Variants in FAM20C observed in about 807,000 individuals in gnomAD.
FAM20C encodes extracellular serine/threonine protein kinase FAM20C.
FAM20C carries 40 observed loss-of-function variants against 51.5 expected under a neutral mutation model. The ratio of observed to expected loss-of-function variants is 0.78; its 90% CI spans 0.60 to 1.01. The LOEUF is 1.01. Ranked by LOEUF, FAM20C falls within the 50% of genes least tolerant of loss-of-function variation. The probability of loss-of-function intolerance (pLI) is 0.00; values close to 1 mark genes in which losing one functional copy is unlikely to be tolerated. For missense variants in FAM20C, 861 were observed against 844.7 expected (o/e 1.02, Z -0.24); for synonymous variants, 406 against 380.6 (o/e 1.07, Z -0.78).
At chr7:219,507 G>C (rs990406305) in intron 3 of FAM20C, among the ~76,000 whole-genome samples, 3 of 152,212 alleles carry the variant, frequency 2.0e-5, no homozygotes, top group African/African-American at 7.2e-5. Context: ...CTCTCAGAGT[G>C]GGGGCTTGGC....
At chr7:196,173 T>C (rs956010449) in intron 2 of FAM20C, among the ~76,000 whole-genome samples, 3 of 152,122 alleles carry the variant, frequency 2.0e-5, no homozygotes, top group Non-Finnish European at 1.5e-5. Flanking sequence ...CTGCTTCTTG[T>C]GGTTTTGAAG....
chr7:201,562 C>G (rs190810477), intron 2 of FAM20C, among the ~76,000 whole-genome samples: 13 of 152,354 alleles, frequency 8.5e-5, no homozygotes, highest in Admixed American at 8.5e-4. Flanking sequence ...CAGACCTGCT[C>G]TGGGTTCTTC....
In FAM20C at chr7:208,989, G is replaced by C; in HGVS notation, c.863+13G>C. 1 of 1,572,248 alleles carries C rather than the reference G, an allele frequency of 6.4e-7. No homozygotes were observed. The highest frequency in any genetic ancestry group is 1.2e-5 in the South Asian group (1 of 85,366). Reference sequence around the variant, plus strand: ...TCAAACCCATGAAGTAAGTGCCGAGGCCTGTGGGCTGGGGCGTGAGGAGCT... The same window carrying C: ...TCAAACCCATGAAGTAAGTGCCGAGCCCTGTGGGCTGGGGCGTGAGGAGCT... On this transcript the variant is annotated intron_variant, in intron 3 of 9. Coordinates refer to ENST00000313766, the MANE Select transcript of FAM20C (RefSeq NM_020223.4).
intron 3 of FAM20C, among the ~76,000 whole-genome samples, chr7:209,964 C>T (rs1000640069): frequency 3.3e-5 from 5 of 152,346 alleles, no homozygotes; most frequent in Admixed American, 1.3e-4. Context: ...GGCCCTGCCC[C>T]GGTCTTCCCC....
At chr7:210,139 C>T (rs1786639979) in intron 3 of FAM20C, among the ~76,000 whole-genome samples, 1 of 152,226 alleles carries the variant, frequency 6.6e-6, no homozygotes, top group South Asian at 2.1e-4. Flanking sequence ...GAGCTCAGGG[C>T]CTGGGGCTGA....
intron 3 of FAM20C, among the ~76,000 whole-genome samples, chr7:245,520 C>T (rs1211044747): frequency 6.6e-6 from 1 of 152,176 alleles, no homozygotes; most frequent in Non-Finnish European, 1.5e-5. Context: ...GACAGGCTCT[C>T]CCTCCAGTGG....
At chr7:243,935 A>T (rs902117338) in intron 3 of FAM20C, among the ~76,000 whole-genome samples, 4,654 of 118,080 alleles carry the variant, frequency 0.039, 111 homozygotes, top group African/African-American at 0.078. Context: ...TAATAATAAT[A>T]ATAATAATAA....
In FAM20C at chr7:256,677, G is replaced by T; in HGVS notation, c.1277G>T (p.Cys426Phe). ...KAEWEVDPDY[C>F]EEVKQTPPYD... is the part of the protein sequence containing the mutation. ...AGGTGGGAGGTGGACCCTGACTACT[G>T]CGAGGAGGTGAAGCAGACACCGCCC... Residue 426 changes from cysteine to phenylalanine, a missense_variant, in exon 7 of 10, where the codon TGC becomes TTC. Cys to Phe is a radical substitution (Grantham distance 205). Around this residue, in one of 3 missense-constraint regions of FAM20C, gnomAD observed 269 missense variants for 283.8 expected, o/e 0.95. Transcript: ENST00000313766. 6.5e-7 allele frequency: 1 copy of T among 1,536,066 alleles called. No homozygotes were observed. The highest frequency in any genetic ancestry group is 8.7e-7 in the Non-Finnish European group (1 of 1,146,826).
rs536273419 is a variant in FAM20C at position 231,004 on chromosome 7, G to A, written c.864-15411G>A. ...GAGGTGGGAGTTTCGCCTGAGCCCA[G>A]GAGGCTGAGGATGCAGTGAGCTATG... On this transcript the variant is annotated intron_variant, in intron 3 of 9. Transcript: ENST00000313766. Among the ~76,000 whole-genome samples the A allele has an allele frequency of 1.2e-4, 18 of 152,290 alleles. No homozygotes were observed. In the East Asian group the frequency reaches 3.5e-3, roughly 29 times the overall value.
chr7:245,728 C>T (rs1222491406), intron 3 of FAM20C, among the ~76,000 whole-genome samples: 4 of 152,186 alleles, frequency 2.6e-5, no homozygotes, highest in Non-Finnish European at 4.4e-5. Flanking sequence ...TGCGGCTAGG[C>T]TCCCCTTCCC....
intron 3 of FAM20C, among the ~76,000 whole-genome samples, chr7:210,867 G>A (rs575094048): frequency 8.7e-4 from 133 of 152,274 alleles, no homozygotes; most frequent in African/African-American, 3.0e-3. Flanking sequence ...TCTAACCCAG[G>A]CCCTGCGGGA....
intron 3 of FAM20C, among the ~76,000 whole-genome samples, chr7:209,375 G>A (rs988585869): frequency 1.3e-5 from 2 of 152,224 alleles, no homozygotes; most frequent in East Asian, 1.9e-4. Flanking sequence ...AGCTATTTCA[G>A]GCTTTGCAGG....
intron 3 of FAM20C, chr7:228,568 C>T (rs1369322532): frequency 2.2e-6 from 1 of 456,268 alleles, no homozygotes; most frequent in Middle Eastern, 3.3e-4. Flanking sequence ...CCGCTGCCTA[C>T]ACCCCCAGCT....
chr7:230,812 AC>A (rs1787640813), intron 3 of FAM20C, among the ~76,000 whole-genome samples: 1 of 148,704 alleles, frequency 6.7e-6, no homozygotes, highest in Non-Finnish European at 1.5e-5. Flanking sequence ...ACTGAATAAT[AC>A]CTATCGGTTA....
In FAM20C at chr7:193,089, C is replaced by A; in HGVS notation, c.-111C>A. On this transcript the variant is annotated 5_prime_UTR_variant, in exon 1 of 10. Coordinates refer to ENST00000313766, the MANE Select transcript of FAM20C (RefSeq NM_020223.4). ...GGGACAGCCCCGGAGCTGGTAGCCGCCCGGCACCGATGGACCTTGACCCGC... is the reference window on the plus strand; with the variant it reads ...GGGACAGCCCCGGAGCTGGTAGCCGACCGGCACCGATGGACCTTGACCCGC... 1 of 1,005,728 alleles carries A rather than the reference C, an allele frequency of 9.9e-7. No individual in the cohort carries two copies. The highest frequency in any genetic ancestry group is 4.3e-5 in the East Asian group (1 of 23,160). The allele number at this position is 1,005,728 out of a possible 1,614,324, so 62.3% of individuals were successfully genotyped here. A position where few individuals can be genotyped will look rare whatever the true frequency, so the allele number is the denominator to read the frequency against.
intron 3 of FAM20C, among the ~76,000 whole-genome samples, chr7:236,205 C>A (rs998136231): frequency 2.0e-5 from 2 of 98,350 alleles, no homozygotes; most frequent in Non-Finnish European, 3.8e-5. Flanking sequence ...CTGAGCGGCT[C>A]CTGGCCGAGG....
chr7:228,475 A>G (rs1468033260), intron 3 of FAM20C: 22 of 456,020 alleles, frequency 4.8e-5, no homozygotes, highest in Admixed American at 4.7e-4. Context: ...TGTGGGGTCA[A>G]CAAGCCAGGT....
At chr7:206,813 G>T (rs867773563) in intron 2 of FAM20C, among the ~76,000 whole-genome samples, 34 of 88,194 alleles carry the variant, frequency 3.9e-4, no homozygotes, top group African/African-American at 1.2e-3. Context: ...GTGACGCGTC[G>T]GTCACTGTCC....
chr7:208,097 C>T (rs1051941506), intron 2 of FAM20C, among the ~76,000 whole-genome samples: 5 of 152,120 alleles, frequency 3.3e-5, no homozygotes, highest in Non-Finnish European at 5.9e-5. Flanking sequence ...CCCAGAAACG[C>T]GGGCGGGAGG....
Sources: gnomAD v4.1 joint callset for allele counts (sites outside exome capture counted in the v4.1 genomes callset) on GRCh38, gnomAD v4.1.1 for gene constraint, gnomAD v4.1.1 regional missense constraint, MANE v1.5 for transcripts, NCBI Gene and HGNC (gene_info 2026-07-23, HGNC 2026-07-21) for gene names.